TBC1D22A: variants seen among roughly 807,000 people sequenced by gnomAD.
TBC1D22A encodes the protein TBC1 domain family member 22A, also known as putative GTPase activator.
TBC1D22A carries 38 observed loss-of-function variants against 60.2 expected under a neutral mutation model. The observed-to-expected ratio is 0.63, with a 90% CI of 0.49 to 0.83. TBC1D22A has a LOEUF of 0.83. Among genes scored for constraint, TBC1D22A ranks in the 40% least tolerant of loss-of-function variants. TBC1D22A has a pLI of 0.00. For synonymous variants in TBC1D22A, 302 were observed against 281.7 expected (o/e 1.07, Z -0.72); for missense variants, 628 against 701.0 (o/e 0.90, Z 1.18).
At chr22:46,965,125 C>T (rs2073735645) in intron 8 of TBC1D22A, among the ~76,000 whole-genome samples, 1 of 152,244 alleles carries the variant, frequency 6.6e-6, no homozygotes, top group Non-Finnish European at 1.5e-5. Context: ...GTCAGAGCAG[C>T]AAGCTCTTCC....
intron 9 of TBC1D22A, 31 bp downstream of exon 9, chr22:46,974,430 A>G (rs759832238): frequency 6.4e-7 from 1 of 1,565,050 alleles, no homozygotes; most frequent in South Asian, 1.2e-5. Flanking sequence ...GACACAGCCC[A>G]CGCCCACAGC....
chr22:46,812,419 G>A (rs746674374), intron 4 of TBC1D22A, among the ~76,000 whole-genome samples: 2 of 152,204 alleles, frequency 1.3e-5, no homozygotes, highest in Non-Finnish European at 1.5e-5. Context: ...GAATCATGGG[G>A]ATCACAGTGG....
chr22:46,820,828 T>TA (rs761192663), intron 4 of TBC1D22A, among the ~76,000 whole-genome samples: 1 of 152,216 alleles, frequency 6.6e-6, no homozygotes, highest in African/African-American at 2.4e-5. Flanking sequence ...AGTGGGGTGT[T>TA]AAAGTCTCCC....
chr22:46,776,191 C>T (rs1271178074), intron 1 of TBC1D22A, among the ~76,000 whole-genome samples: 3 of 152,120 alleles, frequency 2.0e-5, no homozygotes, highest in African/African-American at 7.2e-5. Context: ...GGGTGTGGGG[C>T]GTGTTCTGTA....
intron 4 of TBC1D22A, among the ~76,000 whole-genome samples, chr22:46,843,606 G>A (rs1392137996): frequency 6.6e-6 from 1 of 152,034 alleles, no homozygotes; most frequent in Non-Finnish European, 1.5e-5. Context: ...CACGCGTTCT[G>A]TAGATGACGT....
At chr22:47,024,727 T>C (rs1198431552) in intron 10 of TBC1D22A, among the ~76,000 whole-genome samples, 3 of 152,004 alleles carry the variant, frequency 2.0e-5, no homozygotes, top group Admixed American at 2.0e-4. Context: ...GTGGCAGACG[T>C]GTGCCTGTGG....
At chr22:46,984,535 C>T (rs1286287285) in intron 9 of TBC1D22A, among the ~76,000 whole-genome samples, 1 of 152,136 alleles carries the variant, frequency 6.6e-6, no homozygotes, top group Non-Finnish European at 1.5e-5. Flanking sequence ...TCTTGAATTA[C>T]AGCTTCCATA....
intron 10 of TBC1D22A, among the ~76,000 whole-genome samples, chr22:47,022,137 G>A (rs1416818977): frequency 1.3e-5 from 2 of 152,186 alleles, no homozygotes; most frequent in African/African-American, 4.8e-5. Context: ...CCTGTTTCCG[G>A]TCAACATTGA....
intron 4 of TBC1D22A, among the ~76,000 whole-genome samples, chr22:46,800,233 C>T (rs553031635): frequency 1.3e-5 from 2 of 152,210 alleles, no homozygotes; most frequent in East Asian, 3.9e-4. Flanking sequence ...GGCGCCTGAA[C>T]CTCCTTCTGT....
rs544240211 is a variant in TBC1D22A, at chr22:47,038,117, G to A, written c.1329+919G>A. Among the ~76,000 whole-genome samples the A allele has an allele frequency of 2.0e-5, 3 of 152,266 alleles. No homozygotes were observed. The South Asian group carries it at 6.2e-4, about 32-fold the overall frequency. On this transcript the variant is annotated intron_variant, in intron 11 of 12. Coordinates refer to ENST00000337137, the MANE Select transcript of TBC1D22A (RefSeq NM_014346.5). ...GGAGGCGGTGCTGTGGGGGGTTTAC[G>A]CGCCAGCCTTTCATCATCAGTTACA...
At chr22:46,830,149 G>T (rs1198319094) in intron 4 of TBC1D22A, among the ~76,000 whole-genome samples, 1 of 152,198 alleles carries the variant, frequency 6.6e-6, no homozygotes, top group Non-Finnish European at 1.5e-5. Context: ...GGTATTGTGG[G>T]CATCAGGCGT....
intron 7 of TBC1D22A, among the ~76,000 whole-genome samples, chr22:46,905,759 C>T (rs529306781): frequency 6.6e-6 from 1 of 152,344 alleles, no homozygotes; most frequent in Admixed American, 6.5e-5. Flanking sequence ...TGCTGGTTTC[C>T]CACAGGCTGT....
chr22:47,095,893 G>C (rs924934950), intron 11 of TBC1D22A, among the ~76,000 whole-genome samples: 1 of 152,236 alleles, frequency 6.6e-6, no homozygotes, highest in Non-Finnish European at 1.5e-5. Flanking sequence ...CTTTCCCAGG[G>C]CTGGGCTGGA....
At chr22:46,827,863 G>T (rs189027209) in intron 4 of TBC1D22A, among the ~76,000 whole-genome samples, 2 of 152,212 alleles carry the variant, frequency 1.3e-5, no homozygotes, top group Non-Finnish European at 2.9e-5. Context: ...CGCAGGGACT[G>T]TCTGTCTCAA....
intron 1 of TBC1D22A, among the ~76,000 whole-genome samples, chr22:46,766,036 T>C (rs1054252566): frequency 1.4e-5 from 2 of 146,124 alleles, no homozygotes; most frequent in African/African-American, 5.1e-5. Context: ...CTCACTCTGT[T>C]GTCCAGGCTG....
intron 4 of TBC1D22A, among the ~76,000 whole-genome samples, chr22:46,847,599 T>G (rs1314665020): frequency 6.6e-6 from 1 of 152,142 alleles, no homozygotes; most frequent in African/African-American, 2.4e-5. Flanking sequence ...ATGTGGGGTG[T>G]GTTGGGTTTT....
intron 11 of TBC1D22A, among the ~76,000 whole-genome samples, chr22:47,078,695 G>A (rs2064327932): frequency 2.0e-5 from 3 of 152,096 alleles, no homozygotes. Context: ...CTTTTTTGCT[G>A]ATCATCCAGT....
intron 11 of TBC1D22A, among the ~76,000 whole-genome samples, chr22:47,043,556 T>C (rs967768392): frequency 6.6e-6 from 1 of 152,192 alleles, no homozygotes; most frequent in Non-Finnish European, 1.5e-5. Flanking sequence ...AAGAGTGCGA[T>C]ACAGGTGCCC....
chr22:46,772,821 A>G (rs957062671), intron 1 of TBC1D22A, among the ~76,000 whole-genome samples: 3 of 151,324 alleles, frequency 2.0e-5, no homozygotes, highest in Non-Finnish European at 4.4e-5. Context: ...TAATTTTTGT[A>G]TTTTTACCAT....
Sources: gnomAD v4.1 joint callset for allele counts (sites outside exome capture counted in the v4.1 genomes callset) on GRCh38, gnomAD v4.1.1 for gene constraint, MANE v1.5 for transcripts, NCBI Gene and HGNC (gene_info 2026-07-23, HGNC 2026-07-21) for gene names.